SPTA1: variants seen among roughly 807,000 people sequenced by gnomAD.
SPTA1 encodes the protein spectrin alpha, erythrocytic 1, also known as spectrin alpha chain, erythrocytic 1.
A neutral mutation model predicts 324.7 loss-of-function variants in SPTA1; 177 were observed. The observed-to-expected ratio is 0.55, with a 90% CI of 0.48 to 0.62. SPTA1 has a LOEUF of 0.62. Among genes scored for constraint, SPTA1 ranks in the 20% least tolerant of loss-of-function variants. The pLI is 0.00. For synonymous variants in SPTA1, 1,195 were observed against 1,041.3 expected, an observed-to-expected ratio of 1.15 and a Z score of -2.84; for missense variants, 3,162 against 2,883.6, an observed-to-expected ratio of 1.10 and a Z score of -2.21.
intron 20 of SPTA1, among the ~76,000 whole-genome samples, chr1:158,656,287 G>T (rs1652819472): frequency 6.6e-6 from 1 of 152,060 alleles, no homozygotes. Context: ...AGAAAAGTAA[G>T]AAAGAAAGAA....
At chr1:158,656,014 T>C (rs1185326652) in intron 20 of SPTA1, among the ~76,000 whole-genome samples, 1 of 152,184 alleles carries the variant, frequency 6.6e-6, no homozygotes, top group Non-Finnish European at 1.5e-5. Context: ...TCCCTTAGCT[T>C]ACAAAAATTT....
chr1:158,677,508 T>A (rs991402575), intron 7 of SPTA1, among the ~76,000 whole-genome samples, 182 bp downstream of exon 7: 1 of 152,214 alleles, frequency 6.6e-6, no homozygotes, highest in Non-Finnish European at 1.5e-5. Flanking sequence ...AAATAAGGTA[T>A]ATCCAGTATC....
chr1:158,685,039 A>T, intron 2 of SPTA1, 69 bp downstream of exon 2: 1 of 1,595,934 alleles, frequency 6.3e-7, no homozygotes, highest in Non-Finnish European at 8.6e-7. Flanking sequence ...CATTAACATA[A>T]AGAAAAACCT....
Position 158,666,878 on chromosome 1 carries a change from A to G in SPTA1, c.2039-381T>C, listed in dbSNP as rs550490957. 4.6e-5 allele frequency among the ~76,000 whole-genome samples: 7 copies of G among 152,266 alleles called. No individual in the cohort carries two copies. In the South Asian group the frequency reaches 1.2e-3, roughly 27 times the overall value. ...AGGAGAAGCATAATGAGGTTGGTTC[A>G]GTTTGAAATTTATAAGTTTCTTTTT... On this transcript the variant is annotated intron_variant, in intron 15 of 51. Transcript: ENST00000643759.
At chr1:158,680,925 T>A (rs1164572109) in intron 4 of SPTA1, among the ~76,000 whole-genome samples, 196 bp from the exon 5 acceptor site, 3 of 152,162 alleles carry the variant, frequency 2.0e-5, no homozygotes, top group Non-Finnish European at 1.5e-5. Context: ...GGGAAAGTGC[T>A]CTTTCGGGCA....
At chr1:158,655,240 A>G (rs1008476531) in intron 20 of SPTA1, among the ~76,000 whole-genome samples, 5 of 146,930 alleles carry the variant, frequency 3.4e-5, no homozygotes, top group African/African-American at 1.4e-4. Flanking sequence ...GATATGAGTG[A>G]TCAATAGCAC....
At chr1:158,644,511 T>A in intron 29 of SPTA1, 115 bp from the exon 30 acceptor site, 2 of 1,228,442 alleles carry the variant, frequency 1.6e-6, no homozygotes, top group South Asian at 2.5e-5. Context: ...ACTTACCATC[T>A]TCCAAGAAAC....
At position 158,638,055 on chromosome 1, in the gene SPTA1, C is replaced by T. The variant is rs907004165; in HGVS notation, c.5167G>A (p.Asp1723Asn). The T allele has an allele frequency of 5.6e-6, 9 of 1,613,828 alleles. No homozygotes were observed. Among genetic ancestry groups the T allele is most frequent in the Non-Finnish European group, 5.1e-6 (6 of 1,179,828 alleles). ...TACTCTATCCAGGATTCCTCATCAT[C>T]TAGATCCTGGAAGAACTGGAACAAG... Reference protein sequence around the residue: ...YALFQFFQDLDDEESWIEEKL... With the variant: ...YALFQFFQDLNDEESWIEEKL... The change falls in exon 36 of 52, where the codon GAT becomes AAT. Residue 1723 changes from aspartate (D) to asparagine (N), a missense_variant. Coordinates refer to ENST00000643759, the MANE Select transcript of SPTA1 (RefSeq NM_003126.4).
intron 43 of SPTA1, chr1:158,620,713 G>A: frequency 2.3e-6 from 1 of 436,164 alleles, no homozygotes; most frequent in Non-Finnish European, 4.0e-6. Flanking sequence ...TTACAAATGA[G>A]GGAGGTCGAA....
chr1:158,677,912 A>G (rs1278595184), intron 6 of SPTA1, 78 bp from the exon 7 acceptor site: 2 of 1,579,916 alleles, frequency 1.3e-6, no homozygotes, highest in African/African-American at 2.7e-5. Context: ...AACTCACAGC[A>G]AGGACCATCC....
chr1:158,640,882 G>T (rs896365100), intron 33 of SPTA1, among the ~76,000 whole-genome samples: 2 of 152,226 alleles, frequency 1.3e-5, no homozygotes, highest in Non-Finnish European at 2.9e-5. Context: ...CAAAGCTGGA[G>T]GCATCACGCT....
Position 158,615,408 on chromosome 1 carries a change from A to C in SPTA1, c.6601-5T>G, listed in dbSNP as rs1233535563. 4 of 1,613,792 alleles carry C rather than the reference A, an allele frequency of 2.5e-6. No homozygotes were observed. The highest frequency in any genetic ancestry group is 2.7e-5 in the African/African-American group (2 of 74,930). On this transcript the variant is annotated splice_region_variant and splice_polypyrimidine_tract_variant and intron_variant, in intron 47 of 51. Transcript: ENST00000643759. The stretch of plus-strand genomic sequence containing the variant: ...CTGGATCTCCTTCTGTTTTCTCTGG[A>C]AAAACGACAGAGAAGAGAGACAATT...
At chr1:158,646,060 A>C (rs191137306) in intron 27 of SPTA1, among the ~76,000 whole-genome samples, 1 of 152,286 alleles carries the variant, frequency 6.6e-6, no homozygotes, top group Non-Finnish European at 1.5e-5. Context: ...CAAAGAAATC[A>C]TGTCTTTCCT....
chr1:158,616,373 C>A (rs762491599), intron 47 of SPTA1, among the ~76,000 whole-genome samples: 1 of 152,018 alleles, frequency 6.6e-6, no homozygotes, highest in Non-Finnish European at 1.5e-5. Flanking sequence ...TATATTTATA[C>A]CCAATAATCA....
At chr1:158,634,256 T>C (rs1650896489) in intron 39 of SPTA1, among the ~76,000 whole-genome samples, 1 of 152,222 alleles carries the variant, frequency 6.6e-6, no homozygotes, top group Admixed American at 6.5e-5. Context: ...ATCTAACTTG[T>C]AAGGAAAGGT....
intron 33 of SPTA1, among the ~76,000 whole-genome samples, chr1:158,640,375 T>G (rs1651457761): frequency 6.6e-6 from 1 of 152,194 alleles, no homozygotes; most frequent in Non-Finnish European, 1.5e-5. Context: ...GCATCACTCC[T>G]TTTCTCCTTC....
chr1:158,642,842 T>A lies in SPTA1; in HGVS notation c.4577A>T (p.Glu1526Val), dbSNP rs758938043. 1 of 1,613,978 alleles carries A rather than the reference T, an allele frequency of 6.2e-7. No homozygotes were observed. ...ISEMLPTACD[E>V]SYKDATNIQR... Reference sequence around the variant, plus strand: ...AATGTTAGTGGCGTCTTTGTAGGATTCATCACAGGCTGTGGGCAGCATCTC... The same window carrying A: ...AATGTTAGTGGCGTCTTTGTAGGATACATCACAGGCTGTGGGCAGCATCTC... Residue 1526 changes from glutamate (E) to valine (V), a missense_variant, in exon 32 of 52, where the codon GAA becomes GTA. By Grantham distance (121) the Glu-to-Val change is moderately radical (BLOSUM62 -2). Transcript: ENST00000643759.
chr1:158,620,148 T>C (rs745777183), intron 44 of SPTA1, 22 bp downstream of exon 44: 1 of 1,613,996 alleles, frequency 6.2e-7, no homozygotes, highest in South Asian at 1.1e-5. Flanking sequence ...TGAAAGGAAG[T>C]TTCTGCCGTG....
At position 158,611,131 on chromosome 1, in the gene SPTA1, G is replaced by GCACGCA. The variant is rs1553221963; in HGVS notation, c.*132_*133insTGCGTG. 1.5e-6 allele frequency: 1 copy of GCACGCA among 670,346 alleles called. No individual in the cohort carries two copies. The highest frequency in any genetic ancestry group is 2.5e-6 in the Non-Finnish European group (1 of 392,794). The allele number at this position is 670,346 out of a possible 1,614,324, so 41.5% of individuals were successfully genotyped here. On this transcript the variant is annotated 3_prime_UTR_variant, in exon 52 of 52. Transcript: ENST00000643759. ...AAATGTAATATGCACACAAACACAA[G>GCACGCA]CACACACACACACACACACACACAC...
Sources: allele counts gnomAD v4.1 joint callset (sites outside exome capture counted in the v4.1 genomes callset), GRCh38; gene constraint gnomAD v4.1.1; transcripts MANE v1.5; gene names NCBI Gene and HGNC (gene_info 2026-07-23, HGNC 2026-07-21).